The following HEPHL1 variants were observed in gnomAD, a reference collection of about 807,000 sequenced individuals.
The protein encoded by HEPHL1 is ferroxidase HEPHL1.
Under a neutral mutation model 122.0 loss-of-function variants are expected in HEPHL1, and 123 were observed. That is an observed-to-expected ratio of 1.01 (90% confidence interval 0.87 to 1.17). The LOEUF (loss-of-function observed/expected upper bound fraction) is 1.17. Among genes scored for constraint, HEPHL1 ranks in the 50% most tolerant of loss-of-function variants. The pLI is 0.00. For missense variants in HEPHL1, 1,452 were observed against 1,430.5 expected, an observed-to-expected ratio of 1.01 and a Z score of -0.24; for synonymous variants, 527 against 508.9, an observed-to-expected ratio of 1.04 and a Z score of -0.48.
intron 1 of HEPHL1, among the ~76,000 whole-genome samples, chr11:94,030,430 A>G (rs1325304990): frequency 6.6e-6 from 1 of 152,246 alleles, no homozygotes; most frequent in African/African-American, 2.4e-5. Context: ...TACATAAAAG[A>G]GAGCCAGAGG....
At chr11:94,095,844 G>A (rs563659661) in intron 13 of HEPHL1, among the ~76,000 whole-genome samples, 1 of 152,282 alleles carries the variant, frequency 6.6e-6, no homozygotes, top group African/African-American at 2.4e-5. Flanking sequence ...GTATAAGAAT[G>A]CTTGTGATTT....
chr11:94,051,673 G>T (rs1945891430), intron 2 of HEPHL1, among the ~76,000 whole-genome samples: 1 of 152,060 alleles, frequency 6.6e-6, no homozygotes, highest in African/African-American at 2.4e-5. Flanking sequence ...TTGTGCCTTG[G>T]TTGCCTGGCT....
In HEPHL1 at chr11:94,063,569, G is replaced by A. The variant is rs769112350; in HGVS notation, c.477G>A (p.Gly159=). ...AAAATGATGACATGGTTCCTCCTGGGAAAAACTACACCTACGTCTGGCCGG... is the reference window on the plus strand; with the variant it reads ...AAAATGATGACATGGTTCCTCCTGGAAAAAACTACACCTACGTCTGGCCGG... ...RNKNDDMVPP[G]KNYTYVWPVR... The change falls in exon 3 of 20, where the codon GGG becomes GGA. Residue 159 remains glycine (G), a synonymous_variant. Transcript: ENST00000315765. 5.6e-6 allele frequency: 9 copies of A among 1,613,590 alleles called. No homozygotes were observed. The East Asian group carries it at 1.8e-4, about 32-fold the overall frequency.
At chr11:94,100,585 T>G (rs1005364136) in intron 13 of HEPHL1, among the ~76,000 whole-genome samples, 2 of 152,244 alleles carry the variant, frequency 1.3e-5, no homozygotes, top group Non-Finnish European at 2.9e-5. Context: ...GTCACTATAT[T>G]AATCATAAAT....
At chr11:94,055,262 T>G in intron 2 of HEPHL1, 1 of 279,328 alleles carries the variant, frequency 3.6e-6, no homozygotes, top group South Asian at 4.3e-5. Context: ...TGGCCCTCTC[T>G]GATTCCTGTT....
At chr11:94,067,988 G>A (rs1042128186) in intron 5 of HEPHL1, among the ~76,000 whole-genome samples, 4 of 152,130 alleles carry the variant, frequency 2.6e-5, no homozygotes, top group Non-Finnish European at 5.9e-5. Context: ...TGAGACCTTC[G>A]AGGAACCTGT....
At chr11:94,036,137 G>C (rs1227917548) in intron 1 of HEPHL1, among the ~76,000 whole-genome samples, 2 of 152,188 alleles carry the variant, frequency 1.3e-5, no homozygotes, top group Non-Finnish European at 2.9e-5. Flanking sequence ...ATTTCATTAG[G>C]GTGACACAGT....
intron 16 of HEPHL1, 44 bp downstream of exon 16, chr11:94,104,794 A>G (rs766398343): frequency 7.4e-5 from 106 of 1,423,268 alleles, no homozygotes; most frequent in Non-Finnish European, 9.9e-5. Context: ...AGATAAGCTC[A>G]TAGGAATTCC....
intron 14 of HEPHL1, among the ~76,000 whole-genome samples, chr11:94,102,526 G>C (rs1216837664): frequency 6.6e-6 from 1 of 152,184 alleles, no homozygotes; most frequent in Non-Finnish European, 1.5e-5. Flanking sequence ...GGCTTACAAA[G>C]CTCCCTGGTG....
chr11:94,045,595 C>A, intron 1 of HEPHL1, 78 bp from the exon 2 acceptor site: 1 of 1,281,220 alleles, frequency 7.8e-7, no homozygotes, highest in South Asian at 1.5e-5. Flanking sequence ...ACATGCAATA[C>A]TTTATAAACT....
At chr11:94,041,245 C>G (rs1468045575) in intron 1 of HEPHL1, among the ~76,000 whole-genome samples, 2 of 150,328 alleles carry the variant, frequency 1.3e-5, no homozygotes, top group African/African-American at 4.9e-5. Context: ...AATGGAAGAA[C>G]ATTCCATGCT....
intron 13 of HEPHL1, among the ~76,000 whole-genome samples, chr11:94,098,161 T>C (rs1490736299): frequency 1.3e-5 from 2 of 152,362 alleles, no homozygotes; most frequent in African/African-American, 4.8e-5. Flanking sequence ...TACTGATTGT[T>C]CCTTTCCATG....
intron 1 of HEPHL1, among the ~76,000 whole-genome samples, chr11:94,030,512 C>T (rs551904885): frequency 1.1e-4 from 17 of 152,268 alleles, no homozygotes; most frequent in African/African-American, 2.9e-4. Context: ...CCCTCTTCCT[C>T]GTTATCTCAA....
chr11:94,045,785 C>A lies in HEPHL1; in HGVS notation c.283C>A (p.Pro95Thr). Residue 95 changes from proline (P) to threonine (T), a missense_variant, in exon 2 of 20, where the codon CCC (proline) becomes ACC (threonine). Physicochemically the swap from Pro to Thr is conservative, Grantham distance 38. Transcript: ENST00000315765. ...CTACTCCATAGAGATCCCCAAACCTCCCTGGCTTGGATTCCTGGGCCCCAT... is the reference window on the plus strand; with the variant it reads ...CTACTCCATAGAGATCCCCAAACCTACCTGGCTTGGATTCCTGGGCCCCAT... ...GTYSIEIPKPPWLGFLGPILR... is the reference protein window; with the variant it reads ...GTYSIEIPKPTWLGFLGPILR... 1 of 1,613,962 alleles carries A rather than the reference C, an allele frequency of 6.2e-7. No individual in the cohort carries two copies. Among genetic ancestry groups the A allele is most frequent in the Non-Finnish European group, 8.5e-7 (1 of 1,179,878 alleles).
intron 13 of HEPHL1, among the ~76,000 whole-genome samples, chr11:94,098,831 A>T (rs939564709): frequency 2.0e-5 from 3 of 152,096 alleles, no homozygotes; most frequent in Admixed American, 2.0e-4. Flanking sequence ...TGCATTCATT[A>T]TGTAGTTCTC....
intron 15 of HEPHL1, among the ~76,000 whole-genome samples, chr11:94,103,460 T>G (rs1946385494): frequency 6.6e-6 from 1 of 152,126 alleles, no homozygotes; most frequent in Admixed American, 6.5e-5. Flanking sequence ...ATGTATGGTT[T>G]TGGATGTGTG....
intron 2 of HEPHL1, among the ~76,000 whole-genome samples, chr11:94,062,848 G>A (rs1275866465): frequency 6.6e-6 from 1 of 152,132 alleles, no homozygotes; most frequent in Admixed American, 6.6e-5. Context: ...CAGAGAGTAA[G>A]GGGCTGTTCT....
At chr11:94,081,445 AT>A (rs1217596783) in intron 9 of HEPHL1, among the ~76,000 whole-genome samples, 2 of 152,214 alleles carry the variant, frequency 1.3e-5, no homozygotes, top group Non-Finnish European at 2.9e-5. Context: ...GTATCCCAAA[AT>A]TTTAAATTAA....
intron 13 of HEPHL1, among the ~76,000 whole-genome samples, chr11:94,100,232 C>A (rs1426306891): frequency 6.6e-6 from 1 of 152,164 alleles, no homozygotes; most frequent in Non-Finnish European, 1.5e-5. Context: ...TTTATATATA[C>A]CTTTCTCAGA....
Sources: gnomAD v4.1 joint callset for allele counts (sites outside exome capture counted in the v4.1 genomes callset) on GRCh38, gnomAD v4.1.1 for gene constraint, MANE v1.5 for transcripts, NCBI Gene and HGNC (gene_info 2026-07-23, HGNC 2026-07-21) for gene names.